Variants in FANCI observed in about 807,000 individuals in gnomAD.
FANCI encodes the protein Fanconi anemia group I protein.
FANCI carries 156 observed loss-of-function variants against 176.1 expected under a neutral mutation model. The observed-to-expected ratio is 0.89, with a 90% confidence interval of 0.78 to 1.01. The LOEUF is 1.01. Among genes scored for constraint, FANCI ranks in the 50% least tolerant of loss-of-function variants. The pLI, the probability that FANCI is intolerant of heterozygous loss-of-function variation, is 0.00. For synonymous variants in FANCI, 613 were observed against 541.7 expected (o/e 1.13, Z -1.83); for missense variants, 1,678 against 1,534.1 (o/e 1.09, Z -1.57).
At chr15:89,307,768 C>T in intron 34 of FANCI, 96 bp downstream of exon 34, 1 of 1,600,614 alleles carries the variant, frequency 6.2e-7, no homozygotes, top group Non-Finnish European at 8.5e-7. Context: ...CATATATAAA[C>T]TTTTTTCCCT....
chr15:89,268,025 T>TTAGC (rs1309015296), intron 9 of FANCI, among the ~76,000 whole-genome samples: 1 of 152,234 alleles, frequency 6.6e-6, no homozygotes, highest in African/African-American at 2.4e-5. Flanking sequence ...TTGTATGAGT[T>TTAGC]TAGCTTGAGT....
Position 89,260,770 on chromosome 15 carries a change from G to A in FANCI, c.215G>A (p.Cys72Tyr). The A allele has an allele frequency of 6.2e-7, 1 of 1,614,044 alleles. No individual in the cohort carries two copies. The highest frequency in any genetic ancestry group is 8.5e-7 in the Non-Finnish European group (1 of 1,179,942). ...AGGAGACGTAAGATATACACTTGTT[G>A]TATCCAGTTGGTGGAATCGGGGGAT... is the stretch of plus-strand genomic sequence containing the variant. Reference protein sequence around the residue: ...TLRRRKIYTCCIQLVESGDLQ... With the variant: ...TLRRRKIYTCYIQLVESGDLQ... The change falls in exon 4 of 38, where the codon TGT becomes TAT. Residue 72 changes from cysteine to tyrosine, a missense_variant. Coordinates refer to ENST00000310775, the MANE Select transcript of FANCI (RefSeq NM_001113378.2).
rs916975056 is a variant in FANCI, at chr15:89,274,203, C to T, written c.1011C>T (p.Ser337=). The T allele has an allele frequency of 2.5e-6, 4 of 1,597,242 alleles. No individual in the cohort carries two copies. The highest frequency in any genetic ancestry group is 1.7e-5 in the Admixed American group (1 of 57,690). ...TTTTAAAGACTTCGGTTGTAAAGAG[C>T]TTTAAGGATCTTCAACTCCTCCAAG... ...LDLLKTSVVK[S]FKDLQLLQGS... is the part of the protein sequence containing the mutation. Residue 337 remains serine (S), a synonymous_variant, in exon 12 of 38, where the codon AGC becomes AGT. Transcript: ENST00000310775.
intron 10 of FANCI, among the ~76,000 whole-genome samples, chr15:89,269,837 G>T (rs1373151493): frequency 2.7e-5 from 4 of 150,910 alleles, no homozygotes; most frequent in East Asian, 1.9e-4. Context: ...TTTGGACAGA[G>T]TCTCACTGTG....
At chr15:89,290,753 TAG>T (rs1395158077) in intron 19 of FANCI, among the ~76,000 whole-genome samples, 1 of 152,218 alleles carries the variant, frequency 6.6e-6, no homozygotes, top group Admixed American at 6.5e-5. Context: ...AGAATTCATA[TAG>T]AGACTCTCTA....
intron 2 of FANCI, among the ~76,000 whole-genome samples, chr15:89,249,086 C>G (rs2052117193): frequency 6.6e-6 from 1 of 152,142 alleles, no homozygotes; most frequent in Admixed American, 6.5e-5. Context: ...TTTACTCCAT[C>G]AAGATCATTT....
At chr15:89,247,797 T>A (rs2052054923) in intron 2 of FANCI, 66 bp downstream of exon 2, 16 of 1,397,754 alleles carry the variant, frequency 1.1e-5, no homozygotes, top group Non-Finnish European at 1.6e-5. Flanking sequence ...TCAAAGGACA[T>A]GTGAGAAAGA....
At chr15:89,313,973 T>TCACACACACACACA (rs139859584) in intron 35 of FANCI, among the ~76,000 whole-genome samples, 29 of 98,352 alleles carry the variant, frequency 2.9e-4, no homozygotes, top group African/African-American at 1.2e-3. Context: ...AGATATATAA[T>TCACACACACACACA]CACACACACA....
intron 24 of FANCI, among the ~76,000 whole-genome samples, chr15:89,295,436 C>T (rs149621220): frequency 0.021 from 3,242 of 150,962 alleles, 54 homozygotes; most frequent in South Asian, 0.041. Flanking sequence ...GAGGCTGAGC[C>T]GGGTGGATTA....
Position 89,306,153 on chromosome 15 carries a change from T to C in FANCI, c.3496T>C (p.Leu1166=). The C allele has an allele frequency of 1.2e-6, 2 of 1,614,212 alleles. No individual in the cohort carries two copies. The highest frequency in any genetic ancestry group is 8.5e-7 in the Non-Finnish European group (1 of 1,180,048). The stretch of plus-strand genomic sequence containing the variant: ...CTGTGTGGACACCTTGTTAAAGGAC[T>C]TGTGCAAAATGTACACCACACTTAC... ...GSCVDTLLKD[L]CKMYTTLTAL... Residue 1166 remains leucine (L), a synonymous_variant, in exon 32 of 38, where the codon TTG becomes CTG. Transcript: ENST00000310775.
At chr15:89,309,406 C>G (rs371158204) in intron 34 of FANCI, among the ~76,000 whole-genome samples, 24 of 152,110 alleles carry the variant, frequency 1.6e-4, no homozygotes, top group East Asian at 5.8e-4. Flanking sequence ...GGGAGAGATG[C>G]TCATACCGTA....
intron 26 of FANCI, among the ~76,000 whole-genome samples, chr15:89,300,696 T>C (rs770997124): frequency 2.0e-5 from 3 of 152,220 alleles, no homozygotes; most frequent in Non-Finnish European, 4.4e-5. Flanking sequence ...GTCTGTGGTA[T>C]AATTTGGCTT....
intron 22 of FANCI, 97 bp from the exon 23 acceptor site, chr15:89,293,736 T>G: frequency 1.7e-6 from 2 of 1,152,748 alleles, no homozygotes; most frequent in South Asian, 2.6e-5. Flanking sequence ...GTCTAAAATA[T>G]GACATTTAAA....
chr15:89,307,399 A>T, intron 32 of FANCI, 77 bp from the exon 33 acceptor site: 2 of 1,390,690 alleles, frequency 1.4e-6, no homozygotes, highest in South Asian at 2.4e-5. Context: ...GATGAGTCAC[A>T]CTCCATAGGC....
At chr15:89,316,228 T>A in intron 37 of FANCI, 169 bp from the exon 38 acceptor site, 1 of 701,492 alleles carries the variant, frequency 1.4e-6, no homozygotes, top group East Asian at 2.7e-5. Flanking sequence ...TTTGGAGGAC[T>A]CCTTCCTCTT....
At chr15:89,298,894 G>C (rs976752902) in intron 24 of FANCI, among the ~76,000 whole-genome samples, 1 of 152,146 alleles carries the variant, frequency 6.6e-6, no homozygotes, top group African/African-American at 2.4e-5. Flanking sequence ...ACCTGGCCGG[G>C]CGTGGTAGCT....
rs142060188 is a variant in FANCI at position 89,249,615 on chromosome 15, C to T, written c.84+1884C>T. ...CACCCACCTCAGCCTCCCACAGTGC[C>T]GGGATTACACGTGTGAGCCACTCTG... On this transcript the variant is annotated intron_variant, in intron 2 of 37. Coordinates refer to ENST00000310775, the MANE Select transcript of FANCI (RefSeq NM_001113378.2). Among the ~76,000 whole-genome samples the T allele has an allele frequency of 2.9e-3, 443 of 152,134 alleles. 9 individuals are homozygous for T. In the East Asian group the frequency reaches 0.034, roughly 12 times the overall value.
chr15:89,275,795 T>A (rs533655081), intron 12 of FANCI, among the ~76,000 whole-genome samples: 74 of 152,352 alleles, frequency 4.9e-4, no homozygotes, highest in African/African-American at 1.5e-3. Context: ...CTTGAAAGCA[T>A]CTCCATGTAT....
rs1231302528 is a variant in FANCI, at chr15:89,281,098, TC to T, written c.1382-71del. 2.0e-6 allele frequency: 3 copies of T among 1,503,506 alleles called. No individual in the cohort carries two copies. In the African/African-American group the frequency reaches 4.1e-5, roughly 21 times the overall value. 93.1% of individuals were successfully genotyped at this position (1,503,506 alleles called of 1,614,324 possible). A position where few individuals can be genotyped will look rare whatever the true frequency, so the allele number is the denominator to read the frequency against. The stretch of plus-strand genomic sequence containing the variant: ...GGAAACAAAAGACTTCACATTTCTT[TC>T]TCCGTATTTTTCTTTTATTTCAGTT... On this transcript the variant is annotated intron_variant, in intron 14 of 37. Coordinates refer to ENST00000310775, the MANE Select transcript of FANCI (RefSeq NM_001113378.2).
Sources: allele counts gnomAD v4.1 joint callset (sites outside exome capture counted in the v4.1 genomes callset), GRCh38; gene constraint gnomAD v4.1.1; transcripts MANE v1.5; gene names NCBI Gene and HGNC (gene_info 2026-07-23, HGNC 2026-07-21).